SORBS2: variants seen among roughly 807,000 people sequenced by gnomAD.
The protein encoded by SORBS2 is sorbin and SH3 domain-containing protein 2.
SORBS2 carries 46 observed loss-of-function variants against 97.7 expected under a neutral mutation model. The observed-to-expected ratio is 0.47, with a 90% CI of 0.37 to 0.60. The LOEUF is 0.60. Among genes scored for constraint, SORBS2 ranks in the 20% least tolerant of loss-of-function variants. The pLI is 0.00. For synonymous variants in SORBS2, 476 were observed against 473.4 expected, an observed-to-expected ratio of 1.01 and a Z score of -0.07; for missense variants, 1,316 against 1,282.3, an observed-to-expected ratio of 1.03 and a Z score of -0.40.
At chr4:185,935,083 G>C (rs973307799) in intron 1 of SORBS2, among the ~76,000 whole-genome samples, 21 of 152,166 alleles carry the variant, frequency 1.4e-4, no homozygotes, top group Admixed American at 1.2e-3. Context: ...CAACAATCAA[G>C]GCTAATGTAG....
At chr4:185,774,289 C>A (rs2098988848) in intron 2 of SORBS2, 1 of 152,132 alleles carries the variant, frequency 6.6e-6, no homozygotes, top group Admixed American at 6.5e-5. Flanking sequence ...TTGGGGAGAA[C>A]TTTACCAGAG....
chr4:185,649,503 G>A lies in SORBS2; in HGVS notation c.245C>T (p.Pro82Leu), dbSNP rs766243481. 1.8e-5 allele frequency: 28 copies of A among 1,596,730 alleles called. No homozygotes were observed. Among genetic ancestry groups the A allele is most frequent in the Non-Finnish European group, 2.2e-5 (26 of 1,171,184 alleles). Residue 82 changes from proline to leucine, a missense_variant, in exon 3 of 15, where the codon CCG becomes CTG. Physicochemically the swap from Pro to Leu is moderately conservative, Grantham distance 98. Transcript: ENST00000418609. ...AGACCGATCTCTTGGTCGAAGCGGC[G>A]GGACTGGAGGTGGAACATGTGGGGG...
rs553366779 is a variant in SORBS2 at position 185,780,486 on chromosome 4, C to T, written c.-337-5120G>A. Among the ~76,000 whole-genome samples, 156 of 152,270 alleles carry T rather than the reference C, an allele frequency of 1.0e-3. No individual in the cohort carries two copies. In the South Asian group the frequency reaches 0.012, roughly 12 times the overall value. On this transcript the variant is annotated intron_variant, in intron 1 of 20. Transcript: ENST00000284776. The stretch of plus-strand genomic sequence containing the variant: ...CTGCTGAACAATGTAATGCATGCAT[C>T]GGGCTGGAAACTAAAGCCCATACAT...
At chr4:185,689,369 C>T (rs1183116001) in intron 2 of SORBS2, among the ~76,000 whole-genome samples, 6 of 152,190 alleles carry the variant, frequency 3.9e-5, no homozygotes, top group African/African-American at 1.2e-4. Flanking sequence ...GTGGGCTCTA[C>T]ATTCTATTTG....
chr4:185,783,318 C>A (rs1295970869), intron 1 of SORBS2, among the ~76,000 whole-genome samples: 5 of 152,208 alleles, frequency 3.3e-5, no homozygotes, highest in Non-Finnish European at 7.3e-5. Flanking sequence ...GTCTTCTAAG[C>A]AGACTCTCTC....
At chr4:185,701,857 G>A (rs945507043) in intron 2 of SORBS2, among the ~76,000 whole-genome samples, 3 of 150,998 alleles carry the variant, frequency 2.0e-5, no homozygotes, top group African/African-American at 7.3e-5. Context: ...TGCAACCTCT[G>A]TCTCCCAGGT....
chr4:185,722,074 T>C (rs1188535155), intron 2 of SORBS2, among the ~76,000 whole-genome samples: 1 of 152,208 alleles, frequency 6.6e-6, no homozygotes, highest in East Asian at 1.9e-4. Context: ...GGTCGTGAAT[T>C]CTGTAAGAGA....
intron 1 of SORBS2, among the ~76,000 whole-genome samples, chr4:185,842,298 A>C (rs1029348358): frequency 3.9e-5 from 6 of 152,196 alleles, no homozygotes; most frequent in African/African-American, 1.4e-4. Flanking sequence ...TTTGGTTTAA[A>C]GTGAGAACAA....
upstream of SORBS2, among the ~76,000 whole-genome samples, chr4:185,658,801 CT>C (rs761469386): frequency 2.0e-4 from 31 of 151,338 alleles, no homozygotes; most frequent in Non-Finnish European, 3.7e-4. Context: ...CTGCCTCAGC[CT>C]CCAGAGTAGC....
At chr4:185,792,280 G>C (rs1219948463) in intron 1 of SORBS2, among the ~76,000 whole-genome samples, 5 of 152,302 alleles carry the variant, frequency 3.3e-5, no homozygotes, top group Non-Finnish European at 5.9e-5. Flanking sequence ...GATCACCTGA[G>C]GTCAAGAGTT....
chr4:185,646,891 A>C (rs2097216877), intron 3 of SORBS2, 109 bp from the exon 13 acceptor site: 1 of 664,708 alleles, frequency 1.5e-6, no homozygotes, highest in Admixed American at 2.7e-5. Flanking sequence ...TTTTAAAAAA[A>C]ATCTCTCAGG....
At chr4:185,928,154 T>G (rs1313542306) in intron 1 of SORBS2, among the ~76,000 whole-genome samples, 1 of 152,108 alleles carries the variant, frequency 6.6e-6, no homozygotes, top group Non-Finnish European at 1.5e-5. Context: ...ACCTGTAATT[T>G]CATCACTTTG....
intron 12 of SORBS2, among the ~76,000 whole-genome samples, chr4:185,597,722 A>G (rs2096143616): frequency 6.6e-6 from 1 of 152,140 alleles, no homozygotes; most frequent in African/African-American, 2.4e-5. Flanking sequence ...TTGGTGATGT[A>G]ACTCAAATGG....
chr4:185,621,164 C>T (rs1008902491), intron 7 of SORBS2, among the ~76,000 whole-genome samples: 4 of 151,972 alleles, frequency 2.6e-5, no homozygotes, highest in Non-Finnish European at 5.9e-5. Context: ...TTATTTTATC[C>T]ATCTATGAAA....
intron 2 of SORBS2, among the ~76,000 whole-genome samples, chr4:185,729,003 G>C (rs1481145214): frequency 6.6e-6 from 1 of 152,232 alleles, no homozygotes; most frequent in Non-Finnish European, 1.5e-5. Flanking sequence ...CAAATAGGAT[G>C]ACAAAATACC....
At chr4:185,624,706 A>G (rs547870757) in intron 6 of SORBS2, among the ~76,000 whole-genome samples, 1 of 152,200 alleles carries the variant, frequency 6.6e-6, no homozygotes, top group African/African-American at 2.4e-5. Context: ...TTTTCAGTGA[A>G]TGTAGCTTTG....
chr4:185,800,570 G>T (rs1458751868), intron 1 of SORBS2, among the ~76,000 whole-genome samples: 3 of 152,068 alleles, frequency 2.0e-5, no homozygotes, highest in Non-Finnish European at 4.4e-5. Context: ...TCTTGCCCCT[G>T]GGGTAGCCCT....
chr4:185,725,100 T>C (rs1387529506), intron 2 of SORBS2, among the ~76,000 whole-genome samples: 1 of 152,238 alleles, frequency 6.6e-6, no homozygotes, highest in African/African-American at 2.4e-5. Flanking sequence ...TTATCAATTA[T>C]GGTAAATCTT....
At chr4:185,930,520 G>C (rs1428295315) in intron 1 of SORBS2, among the ~76,000 whole-genome samples, 1 of 152,066 alleles carries the variant, frequency 6.6e-6, no homozygotes, top group Admixed American at 6.5e-5. Context: ...GGATGGTCTC[G>C]ATCTCCTGAC....
Sources: allele counts gnomAD v4.1 joint callset (sites outside exome capture counted in the v4.1 genomes callset), GRCh38; gene constraint gnomAD v4.1.1; transcripts MANE v1.5; gene names NCBI Gene and HGNC (gene_info 2026-07-23, HGNC 2026-07-21).